The following SH2D3C variants were observed in gnomAD, a reference collection of about 807,000 sequenced individuals.
SH2D3C encodes the protein SH2 domain-containing protein 3C.
SH2D3C carries 25 observed loss-of-function variants against 75.2 expected under a neutral mutation model. The observed-to-expected ratio is 0.33, with a 90% confidence interval of 0.24 to 0.46. The LOEUF (loss-of-function observed/expected upper bound fraction) is 0.46. Ranked by LOEUF, SH2D3C falls within the 20% of genes least tolerant of loss-of-function variation. SH2D3C has a pLI of 1.00. For missense variants in SH2D3C, 933 were observed against 1,165.3 expected (o/e 0.80, Z 2.90); for synonymous variants, 450 against 473.7 (o/e 0.95, Z 0.65).
rs572231070 is a variant in SH2D3C, at chr9:127,740,126, A to G, written c.2200+132T>C. 442 of 818,978 alleles carry G rather than the reference A, an allele frequency of 5.4e-4. 2 individuals are homozygous for G. The African/African-American group carries it at 7.1e-3, about 13-fold the overall frequency. 50.7% of individuals were successfully genotyped at this position (818,978 alleles called of 1,614,324 possible). A position where few individuals can be genotyped will look rare whatever the true frequency, so the allele number is the denominator to read the frequency against. ...CATGAACAGGGCTGACACAGCTGCC[A>G]GCAGGAACAGTGAGCTCAGGGAAAG... On this transcript the variant is annotated intron_variant, in intron 10 of 11. Transcript: ENST00000314830.
chr9:127,768,686 CG>C (rs1845679293), intron 2 of SH2D3C, among the ~76,000 whole-genome samples: 1 of 152,200 alleles, frequency 6.6e-6, no homozygotes, highest in Non-Finnish European at 1.5e-5. Flanking sequence ...CAATGGCTCC[CG>C]TTTTGCTCAG....
chr9:127,771,047 C>A, intron 2 of SH2D3C: 2 of 602,096 alleles, frequency 3.3e-6, no homozygotes, highest in Non-Finnish European at 5.6e-6. Flanking sequence ...CAAAGTTACA[C>A]CCAAAGAAAA....
At chr9:127,776,534 GCTGT>G (rs1289923237) in intron 1 of SH2D3C, among the ~76,000 whole-genome samples, 1 of 152,188 alleles carries the variant, frequency 6.6e-6, no homozygotes, top group Admixed American at 6.5e-5. Flanking sequence ...CCTGCCCCCA[GCTGT>G]GGGACTGTCC....
intron 2 of SH2D3C, among the ~76,000 whole-genome samples, chr9:127,765,374 G>T (rs994170924): frequency 6.6e-6 from 1 of 152,178 alleles, no homozygotes; most frequent in African/African-American, 2.4e-5. Context: ...CAAGGACAAG[G>T]GTTTGTGTTT....
At chr9:127,769,081 T>C (rs1845686903) in intron 2 of SH2D3C, among the ~76,000 whole-genome samples, 1 of 152,160 alleles carries the variant, frequency 6.6e-6, no homozygotes, top group African/African-American at 2.4e-5. Flanking sequence ...ACAGAACTCA[T>C]TTATCTTGTC....
At position 127,751,151 on chromosome 9, in the gene SH2D3C, T is replaced by C; in HGVS notation, c.684+21A>G. ...TGGGTGGGAGGGTCCCGGGTTGAAG[T>C]CCAGCTCGGGGCCTACTCACCTCTC... On this transcript the variant is annotated intron_variant, in intron 4 of 11. Coordinates refer to ENST00000314830, the MANE Select transcript of SH2D3C (RefSeq NM_170600.3). This position sits in a 1 kb window ranked among gnomAD's most constrained non-coding sequence, Gnocchi z 4.1. 6.2e-7 allele frequency: 1 copy of C among 1,612,308 alleles called. No individual in the cohort carries two copies. The highest frequency in any genetic ancestry group is 8.5e-7 in the Non-Finnish European group (1 of 1,179,742).
chr9:127,744,969 C>A lies in SH2D3C; in HGVS notation c.1395G>T (p.Lys465Asn). The change falls in exon 7 of 12, where the codon AAG becomes AAT. Residue 465 changes from lysine (K) to asparagine (N), a missense_variant. Physicochemically the swap from Lys to Asn is moderately conservative, Grantham distance 94. Transcript: ENST00000314830. ...SAPKTHGESD[K>N]GPHTSPSHTL... is the part of the protein sequence containing the mutation. ...TGTGGGAGGGGCTGGTGTGGGGGCCCTTGTCTGACTCCCCATGGGTCTTTG... is the reference window on the plus strand; with the variant it reads ...TGTGGGAGGGGCTGGTGTGGGGGCCATTGTCTGACTCCCCATGGGTCTTTG... 1 of 1,549,704 alleles carries A rather than the reference C, an allele frequency of 6.5e-7. No homozygotes were observed. Among genetic ancestry groups the A allele is most frequent in the East Asian group, 2.3e-5 (1 of 44,322 alleles).
At chr9:127,740,236 A>G (rs2233515) in intron 10 of SH2D3C, 22 bp downstream of exon 10, 27,478 of 1,588,706 alleles carry the variant, frequency 0.017, 314 homozygotes, top group Middle Eastern at 0.049. Flanking sequence ...AGCCTGTCCA[A>G]GGTCACGCAA....
chr9:127,744,015 G>A (rs1844946828), intron 7 of SH2D3C, among the ~76,000 whole-genome samples: 2 of 152,060 alleles, frequency 1.3e-5, no homozygotes, highest in South Asian at 2.1e-4. Flanking sequence ...TGGGTTTCAG[G>A]GCTGCCCAGT....
intron 3 of SH2D3C, among the ~76,000 whole-genome samples, chr9:127,757,700 C>A (rs578199870): frequency 6.7e-6 from 1 of 149,428 alleles, no homozygotes; most frequent in Non-Finnish European, 1.5e-5. Flanking sequence ...ATCACCCAGG[C>A]TGGAGTGCAG....
In SH2D3C at chr9:127,751,658, T is replaced by A. The variant is rs995630124; in HGVS notation, c.556-358A>T. On this transcript the variant is annotated intron_variant, in intron 3 of 11. Transcript: ENST00000314830. The surrounding 1 kb of genome is among the most constrained non-coding windows in gnomAD (Gnocchi z 4.1). Reference sequence around the variant, plus strand: ...CGCTGGACAGCGGCAAAGAGCCGGGTGGCTTTTACAAGCGGGATTAAGCCT... The same window carrying A: ...CGCTGGACAGCGGCAAAGAGCCGGGAGGCTTTTACAAGCGGGATTAAGCCT... Among the ~76,000 whole-genome samples, 1 of 152,080 alleles carries A rather than the reference T, an allele frequency of 6.6e-6. No homozygotes were observed. The highest frequency in any genetic ancestry group is 2.4e-5 in the African/African-American group (1 of 41,394).
intron 1 of SH2D3C, among the ~76,000 whole-genome samples, chr9:127,778,219 C>T (rs1319220945): frequency 1.3e-5 from 2 of 151,484 alleles, no homozygotes; most frequent in African/African-American, 4.9e-5. Flanking sequence ...AACTCCTGAC[C>T]TCAGGTGATC....
rs1353313899 is a variant in SH2D3C, at chr9:127,738,913, C to A, written c.2416G>T (p.Ala806Ser). Residue 806 changes from alanine (A) to serine (S), a missense_variant, in exon 12 of 12, where the codon GCC becomes TCC. Ala to Ser is a moderately conservative substitution (Grantham distance 99, BLOSUM62 1). Transcript: ENST00000314830. The surrounding 1 kb of genome is among the most constrained non-coding windows in gnomAD (Gnocchi z 5.0). Reference protein sequence around the residue: ...NAEVKLQGFQARPELLEVFST... With the variant: ...NAEVKLQGFQSRPELLEVFST... Reference sequence around the variant, plus strand: ...AACACCTCCAGGAGCTCCGGCCGGGCCTGGAACCCTGCAGTGTTGGGGCAT... The same window carrying A: ...AACACCTCCAGGAGCTCCGGCCGGGACTGGAACCCTGCAGTGTTGGGGCAT... 2.5e-6 allele frequency: 4 copies of A among 1,577,578 alleles called. No individual in the cohort carries two copies. The South Asian group carries it at 4.6e-5, about 18-fold the overall frequency.
At chr9:127,747,489 G>C (rs749063513) in intron 5 of SH2D3C, among the ~76,000 whole-genome samples, 4 of 152,134 alleles carry the variant, frequency 2.6e-5, no homozygotes, top group African/African-American at 7.2e-5. Context: ...CTGGTGGCTA[G>C]AACGCCTGGT....
At position 127,738,760 on chromosome 9, in the gene SH2D3C, A is replaced by AG. The variant is rs1844758387; in HGVS notation, c.2568dup (p.Ser857LeufsTer123). On this transcript the variant is annotated frameshift_variant, in exon 12 of 12. Transcript: ENST00000314830. LOFTEE classifies it high-confidence loss of function. This position sits in a 1 kb window ranked among gnomAD's most constrained non-coding sequence, Gnocchi z 5.0. ...TGTCCCTGGGGTCACAGCTCGCTGG[A>AG]GCGGACAGCAGGTTCCAGCTTGTGG... 1 of 1,603,410 alleles carries AG rather than the reference A, an allele frequency of 6.2e-7. No homozygotes were observed.
intron 3 of SH2D3C, among the ~76,000 whole-genome samples, chr9:127,756,290 A>C (rs1845377448): frequency 6.6e-6 from 1 of 152,224 alleles, no homozygotes; most frequent in South Asian, 2.1e-4. Flanking sequence ...TGATGGAGCA[A>C]GACTCTGTCT....
At chr9:127,771,007 G>GTA (rs1182263811) in intron 2 of SH2D3C, among the ~76,000 whole-genome samples, 1 of 152,198 alleles carries the variant, frequency 6.6e-6, no homozygotes, top group Non-Finnish European at 1.5e-5. Flanking sequence ...GTTGTGTAGA[G>GTA]TAGATAAGCA....
In SH2D3C at chr9:127,768,505, C is replaced by T. The variant is rs565177055; in HGVS notation, c.515+5485G>A. On this transcript the variant is annotated intron_variant, in intron 2 of 11. Transcript: ENST00000314830. ...AGCGACACAGAACAGCAATCAGATC[C>T]TCCTAAAAGTTCGAGGCTGCAGCAA... Among the ~76,000 whole-genome samples, 7 of 152,142 alleles carry T rather than the reference C, an allele frequency of 4.6e-5. No individual in the cohort carries two copies. The East Asian group carries it at 1.4e-3, about 29-fold the overall frequency.
At chr9:127,750,514 G>A (rs1482373295) in intron 4 of SH2D3C, among the ~76,000 whole-genome samples, 1 of 152,064 alleles carries the variant, frequency 6.6e-6, no homozygotes, top group Non-Finnish European at 1.5e-5. Context: ...CCCCTCCTCG[G>A]GACTCGCCCA....
Sources: gnomAD v4.1 joint callset for allele counts (sites outside exome capture counted in the v4.1 genomes callset) on GRCh38, gnomAD v4.1.1 for gene constraint, Gnocchi (gnomAD v3.1) non-coding constraint, MANE v1.5 for transcripts, NCBI Gene and HGNC (gene_info 2026-07-23, HGNC 2026-07-21) for gene names.